GOLGA8B: variants seen among roughly 807,000 people sequenced by gnomAD.
GOLGA8B encodes the protein golgin A8 family member B.
A neutral mutation model predicts 15.6 loss-of-function variants in GOLGA8B; 1 was observed. The observed-to-expected ratio is 0.06, with a 90% CI of 0.02 to 0.30. The LOEUF is 0.30. GOLGA8B is among the 10% of genes least tolerant of loss of function. GOLGA8B has a pLI of 1.00. For missense variants in GOLGA8B, 17 were observed against 201.3 expected (o/e 0.08, Z 5.54); for synonymous variants, 9 against 80.3 (o/e 0.11, Z 4.75).
chr15:34,573,436 C>T (rs1322624143), intron 1 of GOLGA8B, among the ~76,000 whole-genome samples: 2 of 149,382 alleles, frequency 1.3e-5, no homozygotes. Context: ...ACTCGGGAGG[C>T]TGAGGAAGGA....
At chr15:34,579,403 G>A (rs1309353406) in intron 1 of GOLGA8B, among the ~76,000 whole-genome samples, 1 of 152,122 alleles carries the variant, frequency 6.6e-6, no homozygotes, top group African/African-American at 2.4e-5. Context: ...GGGAATCTGG[G>A]CGTGGGGGTG....
chr15:34,529,925 T>TGGG, intron 17 of GOLGA8B, 42 bp downstream of exon 17: 3 of 1,796 alleles, frequency 1.7e-3, no homozygotes, highest in Admixed American at 4.5e-3. Context: ...AAGTTGTTGG[T>TGGG]GGGGGGGGGG....
chr15:34,576,234 G>C (rs545385927), intron 1 of GOLGA8B, among the ~76,000 whole-genome samples: 35 of 152,314 alleles, frequency 2.3e-4, no homozygotes, highest in South Asian at 4.1e-4. Context: ...CCCAAATGAA[G>C]TCAAGACAAG....
chr15:34,568,943 G>A (rs567206878), intron 1 of GOLGA8B, among the ~76,000 whole-genome samples: 2 of 147,410 alleles, frequency 1.4e-5, no homozygotes, highest in African/African-American at 5.4e-5. Context: ...GTGCGCTTGT[G>A]CGCTCTCTCT....
Position 34,580,303 on chromosome 15 carries a change from A to C in GOLGA8B, c.-1123+3213T>G, listed in dbSNP as rs112055295. On this transcript the variant is annotated intron_variant, in intron 1 of 23. Coordinates refer to ENST00000683415, the MANE Select transcript of GOLGA8B (RefSeq NM_001023567.5). ...GACCATTCTTGGGAGCGAGTGGGAG[A>C]ATTTGAGAAAAATCAGGCCGAGACA... 8.3e-3 allele frequency among the ~76,000 whole-genome samples: 1,258 copies of C among 152,150 alleles called. 11 individuals are homozygous for C. The highest frequency in any genetic ancestry group is 0.027 in the Middle Eastern group (8 of 294).
chr15:34,579,568 T>C (rs1272768973), intron 1 of GOLGA8B, among the ~76,000 whole-genome samples: 1 of 152,202 alleles, frequency 6.6e-6, no homozygotes, highest in Admixed American at 6.5e-5. Context: ...TTTGGGCTGG[T>C]TACCTTCCCA....
At chr15:34,577,624 T>C (rs1353708877) in intron 1 of GOLGA8B, among the ~76,000 whole-genome samples, 3 of 151,702 alleles carry the variant, frequency 2.0e-5, no homozygotes, top group Non-Finnish European at 2.9e-5. Flanking sequence ...TTCATCATTA[T>C]GAGAACATCA....
chr15:34,574,363 G>A (rs1473130637), intron 1 of GOLGA8B, among the ~76,000 whole-genome samples: 19 of 151,326 alleles, frequency 1.3e-4, no homozygotes, highest in Non-Finnish European at 2.4e-4. Flanking sequence ...GAGGGCAGTG[G>A]CACCCTCACA....
At chr15:34,573,981 A>G (rs967962981) in intron 1 of GOLGA8B, among the ~76,000 whole-genome samples, 3 of 151,832 alleles carry the variant, frequency 2.0e-5, no homozygotes, top group Non-Finnish European at 4.4e-5. Context: ...CAAAAGAAAC[A>G]AGTGCACATA....
intron 1 of GOLGA8B, among the ~76,000 whole-genome samples, chr15:34,570,618 A>C (rs1289385604): frequency 1.0e-4 from 13 of 125,646 alleles, no homozygotes; most frequent in African/African-American, 3.6e-4. Flanking sequence ...CATAAATAAC[A>C]AAAAAGAAAG....
At chr15:34,564,264 A>G (rs1293853878) in intron 1 of GOLGA8B, among the ~76,000 whole-genome samples, 1 of 137,244 alleles carries the variant, frequency 7.3e-6, no homozygotes, top group Non-Finnish European at 1.6e-5. Context: ...TCCAATTTGG[A>G]GAGTGAGTCT....
chr15:34,554,269 C>T (rs1379553159), intron 1 of GOLGA8B, among the ~76,000 whole-genome samples: 1 of 152,284 alleles, frequency 6.6e-6, no homozygotes, highest in African/African-American at 2.4e-5. Context: ...CACCCTGAGC[C>T]CTGCCCTGGC....
At chr15:34,568,970 C>T (rs1249000342) in intron 1 of GOLGA8B, among the ~76,000 whole-genome samples, 2 of 149,998 alleles carry the variant, frequency 1.3e-5, no homozygotes, top group Non-Finnish European at 2.9e-5. Flanking sequence ...CGCTCTCTCT[C>T]TCATGCTGAT....
intron 1 of GOLGA8B, among the ~76,000 whole-genome samples, chr15:34,579,439 C>T (rs369108003): frequency 2.0e-5 from 3 of 152,102 alleles, no homozygotes; most frequent in Non-Finnish European, 2.9e-5. Flanking sequence ...CATCCACATC[C>T]GAGGTGACTG....
At chr15:34,532,509 T>A (rs1377179653) in intron 11 of GOLGA8B, among the ~76,000 whole-genome samples, 2 of 113,650 alleles carry the variant, frequency 1.8e-5, no homozygotes, top group African/African-American at 5.5e-5. Flanking sequence ...AGGTGGCTTG[T>A]CCAGAATCAA....
intron 1 of GOLGA8B, among the ~76,000 whole-genome samples, chr15:34,574,284 T>G (rs1332701271): frequency 3.3e-5 from 5 of 149,750 alleles, no homozygotes; most frequent in African/African-American, 5.0e-5. Flanking sequence ...AAGTAGAGCT[T>G]TCTCTCCTTC....
intron 1 of GOLGA8B, among the ~76,000 whole-genome samples, chr15:34,580,002 C>T (rs188042072): frequency 9.2e-5 from 14 of 152,158 alleles, no homozygotes; most frequent in East Asian, 7.7e-4. Context: ...CTAATTTATG[C>T]AGGGCCATCA....
intron 1 of GOLGA8B, among the ~76,000 whole-genome samples, chr15:34,577,155 G>A (rs540108828): frequency 5.3e-5 from 8 of 152,080 alleles, no homozygotes; most frequent in South Asian, 2.1e-4. Context: ...CACCAGCTCC[G>A]GATAATTCAG....
intron 1 of GOLGA8B, among the ~76,000 whole-genome samples, chr15:34,567,807 A>G (rs573672920): frequency 6.6e-6 from 1 of 151,962 alleles, no homozygotes; most frequent in South Asian, 2.1e-4. Context: ...GTAAGTCCTC[A>G]AGAAGGCTGC....
Sources: allele counts gnomAD v4.1 joint callset (sites outside exome capture counted in the v4.1 genomes callset), GRCh38; gene constraint gnomAD v4.1.1; transcripts MANE v1.5; gene names NCBI Gene and HGNC (gene_info 2026-07-23, HGNC 2026-07-21).